The following PRUNE2 variants were observed in gnomAD, a reference collection of about 807,000 sequenced individuals.
PRUNE2 encodes prune homolog 2 with BCH domain, also known as protein prune homolog 2.
A neutral mutation model predicts 252.0 loss-of-function variants in PRUNE2; 164 were observed. That is an observed-to-expected ratio of 0.65 (90% CI 0.57 to 0.74). PRUNE2 has a LOEUF of 0.74. Ranked by LOEUF, PRUNE2 falls within the 30% of genes least tolerant of loss-of-function variation. The probability of loss-of-function intolerance (pLI) is 0.00; values close to 1 mark genes in which losing one functional copy is unlikely to be tolerated. For missense variants in PRUNE2, 3,495 were observed against 3,711.0 expected, an observed-to-expected ratio of 0.94 and a Z score of 1.51; for synonymous variants, 1,292 against 1,350.2, an observed-to-expected ratio of 0.96 and a Z score of 0.94.
chr9:76,791,246 C>G (rs1249425362), intron 6 of PRUNE2, among the ~76,000 whole-genome samples: 2 of 150,456 alleles, frequency 1.3e-5, no homozygotes, highest in East Asian at 3.9e-4. Flanking sequence ...TAATACTGCA[C>G]CAATTATCAT....
chr9:76,676,682 T>A (rs1163469092), intron 9 of PRUNE2, among the ~76,000 whole-genome samples: 1 of 152,230 alleles, frequency 6.6e-6, no homozygotes, highest in Non-Finnish European at 1.5e-5. Flanking sequence ...TATGCACTTC[T>A]AGGAATTTTG....
At chr9:76,876,522 T>C (rs1273807711) in intron 1 of PRUNE2, among the ~76,000 whole-genome samples, 1 of 152,158 alleles carries the variant, frequency 6.6e-6, no homozygotes, top group Non-Finnish European at 1.5e-5. Context: ...TTTCTTTCCC[T>C]TGACCTATTC....
At chr9:76,622,047 C>A (rs1217800311) in intron 17 of PRUNE2, among the ~76,000 whole-genome samples, 3 of 152,134 alleles carry the variant, frequency 2.0e-5, no homozygotes, top group African/African-American at 7.2e-5. Flanking sequence ...GGGGGTGAGA[C>A]ATGGGATTTC....
chr9:76,712,805 G>A (rs562111260), intron 7 of PRUNE2, among the ~76,000 whole-genome samples: 107 of 152,270 alleles, frequency 7.0e-4, no homozygotes, highest in Admixed American at 3.7e-3. Context: ...GAGAGAGCCC[G>A]AGAGTACCCA....
intron 6 of PRUNE2, among the ~76,000 whole-genome samples, chr9:76,807,066 G>A (rs898431588): frequency 6.6e-6 from 1 of 151,262 alleles, no homozygotes; most frequent in African/African-American, 2.4e-5. Flanking sequence ...GCGCGCGTGT[G>A]TCTGTCTCTC....
At chr9:76,811,796 A>T (rs1359709671) in intron 6 of PRUNE2, among the ~76,000 whole-genome samples, 1 of 152,246 alleles carries the variant, frequency 6.6e-6, no homozygotes, top group Non-Finnish European at 1.5e-5. Context: ...GGTGCCAGAA[A>T]TACCCAATTT....
At chr9:76,854,497 T>C (rs116165820) in intron 1 of PRUNE2, among the ~76,000 whole-genome samples, 1,744 of 152,336 alleles carry the variant, frequency 0.011, 37 homozygotes, top group African/African-American at 0.04. Flanking sequence ...GTAATTTTTT[T>C]AGTAAGTATC....
At chr9:76,753,538 C>T (rs142330593) in intron 6 of PRUNE2, among the ~76,000 whole-genome samples, 20 of 152,228 alleles carry the variant, frequency 1.3e-4, no homozygotes, top group African/African-American at 4.3e-4. Context: ...AATGTTACAA[C>T]ACCTGAGGGT....
chr9:76,775,918 A>G (rs950909835), intron 6 of PRUNE2, among the ~76,000 whole-genome samples: 1 of 129,300 alleles, frequency 7.7e-6, no homozygotes, highest in Non-Finnish European at 1.6e-5. Flanking sequence ...TCCTATGACT[A>G]CACATCCCTA....
At chr9:76,794,701 G>A (rs1361089041) in intron 6 of PRUNE2, among the ~76,000 whole-genome samples, 1 of 151,838 alleles carries the variant, frequency 6.6e-6, no homozygotes, top group Non-Finnish European at 1.5e-5. Context: ...AGAAAGCTTA[G>A]TTTCTTCACC....
intron 6 of PRUNE2, chr9:76,788,673 T>C (rs1298403262): frequency 1.7e-6 from 1 of 598,246 alleles, no homozygotes; most frequent in Non-Finnish European, 3.0e-6. Context: ...AATTTGACAA[T>C]GAAGACAACC....
chr9:76,758,544 G>A (rs1564230975), intron 6 of PRUNE2: 2 of 149,722 alleles, frequency 1.3e-5, no homozygotes, highest in African/African-American at 2.5e-5. Context: ...CTGTCAGTTA[G>A]GATGGAGTGC....
rs11267615 is a variant in PRUNE2 at position 76,703,459 on chromosome 9, GGTGACAGCCTGCAAC to G, written c.8139_8153del (p.Leu2714_Thr2718del). The stretch of plus-strand genomic sequence containing the variant: ...AAAGCATTTCCCATTCATTGTCATG[GGTGACAGCCTGCAAC>G]GTAACTGCATCCGGGCCAGCCCTGC... On this transcript the variant is annotated inframe_deletion, in exon 9 of 19. Transcript: ENST00000376718. 1,239,658 of 1,598,228 alleles carry G rather than the reference GGTGACAGCCTGCAAC, an allele frequency of 0.78. 484,144 individuals are homozygous for G. Among genetic ancestry groups the G allele is most frequent in the East Asian group, 0.96 (42,790 of 44,804 alleles).
At chr9:76,629,757 C>A (rs972699407) in intron 15 of PRUNE2, among the ~76,000 whole-genome samples, 1 of 152,144 alleles carries the variant, frequency 6.6e-6, no homozygotes, top group East Asian at 1.9e-4. Context: ...TTTCCTCACT[C>A]CCAACCCCCA....
At chr9:76,627,301 G>GC (rs909879488) in intron 16 of PRUNE2, among the ~76,000 whole-genome samples, 1 of 125,738 alleles carries the variant, frequency 8.0e-6, no homozygotes, top group East Asian at 2.9e-4. Flanking sequence ...TGGGGTGGCG[G>GC]GGGGCTCACC....
chr9:76,631,234 A>C (rs540061529), intron 15 of PRUNE2, among the ~76,000 whole-genome samples: 1 of 152,332 alleles, frequency 6.6e-6, no homozygotes, highest in African/African-American at 2.4e-5. Flanking sequence ...ACTGAGAGGG[A>C]AAAGAAGTCA....
chr9:76,814,386 T>C (rs1464391541), intron 6 of PRUNE2, among the ~76,000 whole-genome samples: 2 of 152,124 alleles, frequency 1.3e-5, no homozygotes, highest in African/African-American at 2.4e-5. Context: ...AGTGTTATGC[T>C]CTGAGGAGCC....
intron 6 of PRUNE2, among the ~76,000 whole-genome samples, chr9:76,724,119 A>C (rs996955782): frequency 6.7e-6 from 1 of 148,206 alleles, no homozygotes; most frequent in African/African-American, 2.5e-5. Context: ...GAAGGGAGAG[A>C]GAAAATGTTT....
At position 76,628,730 on chromosome 9, in the gene PRUNE2, T is replaced by C. The variant is rs114246679; in HGVS notation, c.9149+462A>G. On this transcript the variant is annotated intron_variant, in intron 16 of 18. Coordinates refer to ENST00000376718, the MANE Select transcript of PRUNE2 (RefSeq NM_015225.3). ...TCTAAAAGAACACAACAATTATCTA[T>C]AGGTTATAGGAAAAAATTGTATTTA... is the stretch of plus-strand genomic sequence containing the variant. Among the ~76,000 whole-genome samples, 607 of 152,272 alleles carry C rather than the reference T, an allele frequency of 4.0e-3. 2 individuals carry two copies. The highest frequency in any genetic ancestry group is 0.014 in the African/African-American group (581 of 41,536).
Sources: allele counts gnomAD v4.1 joint callset (sites outside exome capture counted in the v4.1 genomes callset), GRCh38; gene constraint gnomAD v4.1.1; transcripts MANE v1.5; gene names NCBI Gene and HGNC (gene_info 2026-07-23, HGNC 2026-07-21).